Variants in TCTN2 observed in about 807,000 individuals in gnomAD.
The protein encoded by TCTN2 is tectonic-2.
In TCTN2, 66 loss-of-function variants were observed where a neutral mutation model predicts 83.4. The ratio of observed to expected loss-of-function variants is 0.79; its 90% CI spans 0.65 to 0.97. TCTN2 has a LOEUF of 0.97. Among genes scored for constraint, TCTN2 ranks in the 50% least tolerant of loss-of-function variants. The probability of loss-of-function intolerance (pLI) is 0.00; values close to 1 mark genes in which losing one functional copy is unlikely to be tolerated. For synonymous variants in TCTN2, 301 were observed against 326.7 expected, an observed-to-expected ratio of 0.92 and a Z score of 0.85; for missense variants, 794 against 858.1, an observed-to-expected ratio of 0.93 and a Z score of 0.93.
At chr12:123,701,368 T>C (rs1956170000) in intron 14 of TCTN2, among the ~76,000 whole-genome samples, 3 of 152,202 alleles carry the variant, frequency 2.0e-5, no homozygotes, top group Admixed American at 2.0e-4. Context: ...ACCATCGAAT[T>C]GCACACTTTA....
chr12:123,683,437 G>C (rs1338779067), intron 5 of TCTN2, among the ~76,000 whole-genome samples: 1 of 151,180 alleles, frequency 6.6e-6, no homozygotes, highest in Admixed American at 6.6e-5. Context: ...GAGCCACCAT[G>C]CCCAGCTAAT....
chr12:123,678,255 A>G (rs1955849385), intron 4 of TCTN2, among the ~76,000 whole-genome samples: 1 of 152,300 alleles, frequency 6.6e-6, no homozygotes, highest in South Asian at 2.1e-4. Context: ...TTGAAAGGGG[A>G]TGGGTCTTAA....
rs111670503 is a variant in TCTN2 at position 123,699,394 on chromosome 12, A to G, written c.1506-310A>G. Among the ~76,000 whole-genome samples, 1,961 of 151,886 alleles carry G rather than the reference A, an allele frequency of 0.013. 42 individuals are homozygous for G. Among genetic ancestry groups the G allele is most frequent in the African/African-American group, 0.044 (1,841 of 41,386 alleles). On this transcript the variant is annotated intron_variant, in intron 13 of 17. Coordinates refer to ENST00000303372, the MANE Select transcript of TCTN2 (RefSeq NM_024809.5). ...GGTCTTGAACTCCTGAGCTCAAGCA[A>G]TCCTCCCACCTCAGCCTCCCAAAGG...
intron 5 of TCTN2, among the ~76,000 whole-genome samples, chr12:123,682,783 G>C (rs1955915488): frequency 6.6e-6 from 1 of 151,952 alleles, no homozygotes; most frequent in Admixed American, 6.6e-5. Flanking sequence ...TGCCTAGCCA[G>C]GTTGTCTGCT....
chr12:123,706,976 G>A lies in TCTN2; in HGVS notation c.1896-9G>A. The stretch of plus-strand genomic sequence containing the variant: ...TGTAGTTTTTGTAACCCTCTAAAAT[G>A]TTTTCTAGATTCCAGATCAATTATA... On this transcript the variant is annotated splice_polypyrimidine_tract_variant and intron_variant, in intron 16 of 17. Coordinates refer to ENST00000303372, the MANE Select transcript of TCTN2 (RefSeq NM_024809.5). 6.2e-7 allele frequency: 1 copy of A among 1,613,890 alleles called. No homozygotes were observed. Among genetic ancestry groups the A allele is most frequent in the Non-Finnish European group, 8.5e-7 (1 of 1,179,862 alleles).
chr12:123,685,814 C>T (rs995027340), intron 5 of TCTN2, among the ~76,000 whole-genome samples: 1 of 150,874 alleles, frequency 6.6e-6, no homozygotes, highest in African/African-American at 2.4e-5. Context: ...CAGCCTCAGC[C>T]TCCTGGACTC....
rs554570884 is a variant in TCTN2 at position 123,705,860 on chromosome 12, G to A, written c.1770-866G>A. On this transcript the variant is annotated intron_variant, in intron 15 of 17. Transcript: ENST00000303372. Reference sequence around the variant, plus strand: ...CAACCTCCACCAACCGGGTTCAAGCGATTCTCCTGCCTCAGCCTCCTAAGT... The same window carrying A: ...CAACCTCCACCAACCGGGTTCAAGCAATTCTCCTGCCTCAGCCTCCTAAGT... Among the ~76,000 whole-genome samples the A allele has an allele frequency of 3.3e-5, 5 of 151,428 alleles. No individual in the cohort carries two copies. In the East Asian group the frequency reaches 7.8e-4, roughly 24 times the overall value.
intron 5 of TCTN2, among the ~76,000 whole-genome samples, chr12:123,683,405 A>G (rs1283560574): frequency 2.0e-5 from 3 of 149,926 alleles, no homozygotes; most frequent in Non-Finnish European, 4.4e-5. Flanking sequence ...TTGGCCTCCC[A>G]AAGCGATGGG....
intron 11 of TCTN2, 123 bp downstream of exon 11, chr12:123,695,420 T>C: frequency 5.3e-6 from 4 of 752,168 alleles, no homozygotes; most frequent in Non-Finnish European, 4.7e-6. Context: ...TTTTTCTTTA[T>C]TTTCTCTTTT....
chr12:123,700,347 G>C lies in TCTN2; in HGVS notation c.1612+537G>C, dbSNP rs114070872. 3.9e-3 allele frequency among the ~76,000 whole-genome samples: 594 copies of C among 152,308 alleles called. 4 individuals carry two copies. The highest frequency in any genetic ancestry group is 0.014 in the African/African-American group (570 of 41,576). ...AACAGTCTTTGTGAAAGAAAGTCTA[G>C]GCTGGGAGCAGTGGCTCACACTTAT... On this transcript the variant is annotated intron_variant, in intron 14 of 17. Coordinates refer to ENST00000303372, the MANE Select transcript of TCTN2 (RefSeq NM_024809.5).
At chr12:123,699,922 G>C in intron 14 of TCTN2, 112 bp downstream of exon 14, 1 of 842,710 alleles carries the variant, frequency 1.2e-6, no homozygotes, top group Non-Finnish European at 2.1e-6. Context: ...GCTTGACTGC[G>C]GCTTAACTGG....
intron 14 of TCTN2, among the ~76,000 whole-genome samples, chr12:123,703,116 A>G (rs567697421): frequency 1.3e-5 from 2 of 152,040 alleles, no homozygotes; most frequent in East Asian, 1.9e-4. Flanking sequence ...GAAATTACTT[A>G]CCTATCTAAT....
At chr12:123,683,293 T>C (rs1445796495) in intron 5 of TCTN2, among the ~76,000 whole-genome samples, 1 of 152,026 alleles carries the variant, frequency 6.6e-6, no homozygotes, top group Non-Finnish European at 1.5e-5. Flanking sequence ...TTTTTATTAT[T>C]ATTTTGAGAC....
intron 9 of TCTN2, among the ~76,000 whole-genome samples, chr12:123,693,015 ATTC>A (rs1286256168): frequency 2.3e-5 from 3 of 130,842 alleles, no homozygotes; most frequent in African/African-American, 6.0e-5. Context: ...TAGTTAAATA[ATTC>A]TTTTTTTTTT....
chr12:123,673,897 G>A (rs1955788153), intron 4 of TCTN2, 87 bp downstream of exon 4: 1 of 1,339,458 alleles, frequency 7.5e-7, no homozygotes, highest in Non-Finnish European at 1.1e-6. Flanking sequence ...GAGCCCGGGA[G>A]GTTGATGCTA....
In TCTN2 at chr12:123,686,987, C is replaced by CAGACA; in HGVS notation, c.716_717insAGACA (p.Pro240AspfsTer49). 3 of 1,614,114 alleles carry CAGACA rather than the reference C, an allele frequency of 1.9e-6. No individual in the cohort carries two copies. The highest frequency in any genetic ancestry group is 2.5e-6 in the Non-Finnish European group (3 of 1,180,036). On this transcript the variant is annotated frameshift_variant, in exon 6 of 18. Coordinates refer to ENST00000303372, the MANE Select transcript of TCTN2 (RefSeq NM_024809.5). LOFTEE classifies it high-confidence loss of function. ...TGGTTTCCCTTTCTGTGTGTGCAGT[C>CAGACA]CCCCCTTGCCAACACACCCTTCCTT...
In TCTN2 at chr12:123,690,633, A is replaced by T. The variant is rs778589811; in HGVS notation, c.992A>T (p.Asp331Val). ...AATTTGGAACTATACCAAGAACGAGATGGTATTATCAATGCGAAGATAAAG... is the reference window on the plus strand; with the variant it reads ...AATTTGGAACTATACCAAGAACGAGTTGGTATTATCAATGCGAAGATAAAG... ...VTNLELYQER[D>V]GIINAKIKNV... Residue 331 changes from aspartate (D) to valine (V), a missense_variant, in exon 8 of 18, where the codon GAT (aspartate) becomes GTT (valine). By Grantham distance (152) the Asp-to-Val change is radical. Transcript: ENST00000303372. 6.2e-7 allele frequency: 1 copy of T among 1,614,158 alleles called. No homozygotes were observed. The highest frequency in any genetic ancestry group is 8.5e-7 in the Non-Finnish European group (1 of 1,180,010).
chr12:123,707,150 A>G, intron 17 of TCTN2, 77 bp downstream of exon 17: 13 of 1,206,380 alleles, frequency 1.1e-5, no homozygotes, highest in Non-Finnish European at 1.5e-5. Context: ...TCTAAATGTT[A>G]CAGAAAGCAT....
chr12:123,680,125 G>A (rs979467275), intron 5 of TCTN2, among the ~76,000 whole-genome samples: 6 of 151,882 alleles, frequency 4.0e-5, no homozygotes, highest in African/African-American at 1.4e-4. Flanking sequence ...GGCCAAGGTG[G>A]GCGGATCACC....
Sources: gnomAD v4.1 joint callset for allele counts (sites outside exome capture counted in the v4.1 genomes callset) on GRCh38, gnomAD v4.1.1 for gene constraint, MANE v1.5 for transcripts, NCBI Gene and HGNC (gene_info 2026-07-23, HGNC 2026-07-21) for gene names.